The following RHOA variants were observed in gnomAD, a reference collection of about 807,000 sequenced individuals.
RHOA encodes the protein ras homolog family member A, also known as transforming protein RhoA.
In RHOA, 3 loss-of-function variants were observed where a neutral mutation model predicts 17.5. The ratio of observed to expected loss-of-function variants is 0.17; its 90% confidence interval spans 0.08 to 0.44. RHOA has a LOEUF of 0.44. Among genes scored for constraint, RHOA ranks in the 20% least tolerant of loss-of-function variants. RHOA has a pLI of 0.99. For synonymous variants in RHOA, 98 were observed against 88.4 expected (o/e 1.11, Z -0.61); for missense variants, 56 against 242.3 (o/e 0.23, Z 5.10).
At chr3:49,382,040 C>A (rs557859949) in intron 1 of RHOA, among the ~76,000 whole-genome samples, 4 of 150,048 alleles carry the variant, frequency 2.7e-5, no homozygotes, top group African/African-American at 7.3e-5. Context: ...AAAATATTGG[C>A]CGGGCATGGT....
chr3:49,367,364 A>AAAAAAAAAAAAAAAAAAAAAAT (rs1429030197), intron 3 of RHOA, among the ~76,000 whole-genome samples: 1 of 143,656 alleles, frequency 7.0e-6, no homozygotes, highest in Non-Finnish European at 1.5e-5. Context: ...AAAAAAAAAA[A>AAAAAAAAAAAAAAAAAAAAAAT]AAGAATACTG....
At chr3:49,396,157 G>A (rs1295720634) in intron 1 of RHOA, among the ~76,000 whole-genome samples, 1 of 152,194 alleles carries the variant, frequency 6.6e-6, no homozygotes, top group Non-Finnish European at 1.5e-5. Flanking sequence ...AAAGAACACA[G>A]GTCTATGAGG....
chr3:49,386,769 T>G (rs960060448), intron 1 of RHOA, among the ~76,000 whole-genome samples: 4 of 152,134 alleles, frequency 2.6e-5, no homozygotes, highest in African/African-American at 9.7e-5. Flanking sequence ...CTGATGTATT[T>G]GATTAACTCT....
chr3:49,362,700 A>T, intron 3 of RHOA, 74 bp from the exon 4 acceptor site: 1 of 1,266,580 alleles, frequency 7.9e-7, no homozygotes, highest in South Asian at 1.5e-5. Flanking sequence ...CCTCAGTGAA[A>T]TTGCAGAGAC....
chr3:49,377,452 C>T (rs1410349058), intron 1 of RHOA, among the ~76,000 whole-genome samples: 1 of 151,908 alleles, frequency 6.6e-6, no homozygotes, highest in Non-Finnish European at 1.5e-5. Context: ...AAAAATTAGC[C>T]AGGAGCGGTG....
intron 2 of RHOA, among the ~76,000 whole-genome samples, chr3:49,374,121 C>T (rs532963313): frequency 1.5e-4 from 22 of 151,618 alleles, no homozygotes; most frequent in East Asian, 5.9e-4. Flanking sequence ...GAGGCCGAGA[C>T]GGGCAGATCA....
At chr3:49,409,719 G>A (rs942891285) in intron 1 of RHOA, among the ~76,000 whole-genome samples, 1 of 152,144 alleles carries the variant, frequency 6.6e-6, no homozygotes, top group Non-Finnish European at 1.5e-5. Flanking sequence ...ACCCCCATAT[G>A]ACCAGAATAA....
chr3:49,375,344 C>A (rs2107848585), intron 2 of RHOA, 90 bp downstream of exon 2: 1 of 1,267,058 alleles, frequency 7.9e-7, no homozygotes, highest in Non-Finnish European at 1.1e-6. Flanking sequence ...ATATGGTATA[C>A]TGAAGAGGCA....
chr3:49,405,293 A>C (rs1477980275), intron 1 of RHOA, among the ~76,000 whole-genome samples: 6 of 147,928 alleles, frequency 4.1e-5, no homozygotes, highest in Admixed American at 1.4e-4. Context: ...TTAGCTGGGC[A>C]TGGTGACATG....
intron 1 of RHOA, among the ~76,000 whole-genome samples, chr3:49,404,009 G>A (rs559418171): frequency 1.0e-4 from 15 of 147,030 alleles, no homozygotes; most frequent in Non-Finnish European, 1.6e-4. Context: ...AATAGTGAAA[G>A]TTGAAGATAG....
rs188218700 is a variant in RHOA, at chr3:49,378,999, G to C, written c.-2-3408C>G. The stretch of plus-strand genomic sequence containing the variant: ...ATTAAAAAATGAGCAAAGGATGTGA[G>C]TAGGTATGACCCTGCAATTCTATTC... On this transcript the variant is annotated intron_variant, in intron 1 of 4. Transcript: ENST00000418115. Among the ~76,000 whole-genome samples, 697 of 152,288 alleles carry C rather than the reference G, an allele frequency of 4.6e-3. 3 individuals are homozygous for C. The highest frequency in any genetic ancestry group is 8.1e-3 in the Non-Finnish European group (552 of 68,036).
intron 1 of RHOA, among the ~76,000 whole-genome samples, chr3:49,386,497 G>A (rs982574052): frequency 6.6e-6 from 1 of 152,136 alleles, no homozygotes; most frequent in Non-Finnish European, 1.5e-5. Flanking sequence ...AACGTCAGTC[G>A]CACTGCTAGC....
chr3:49,395,812 G>C (rs1217730169), intron 1 of RHOA, among the ~76,000 whole-genome samples: 1 of 152,128 alleles, frequency 6.6e-6, no homozygotes, highest in Non-Finnish European at 1.5e-5. Context: ...AAGGGTATGA[G>C]GGTGCCCAAA....
At chr3:49,383,419 C>CA (rs397819188) in intron 1 of RHOA, among the ~76,000 whole-genome samples, 60,614 of 124,498 alleles carry the variant, frequency 0.49, 14,096 homozygotes, top group East Asian at 0.92. Flanking sequence ...GAATCCATCT[C>CA]AAAAAAAAAA....
At chr3:49,380,952 A>G (rs1429283319) in intron 1 of RHOA, among the ~76,000 whole-genome samples, 1 of 151,882 alleles carries the variant, frequency 6.6e-6, no homozygotes, top group East Asian at 1.9e-4. Flanking sequence ...ATATATATAG[A>G]TACAGATATT....
chr3:49,407,206 G>A (rs2048845145), intron 1 of RHOA, among the ~76,000 whole-genome samples: 2 of 146,346 alleles, frequency 1.4e-5, no homozygotes, highest in African/African-American at 2.5e-5. Context: ...CTAAGTCAAG[G>A]AAATTAATAT....
intron 1 of RHOA, 37 bp from the exon 2 acceptor site, chr3:49,375,628 A>C (rs777964563): frequency 9.4e-6 from 15 of 1,602,188 alleles, no homozygotes; most frequent in Non-Finnish European, 1.3e-5. Flanking sequence ...TGCAATGCAC[A>C]AGAAGTCATA....
chr3:49,394,180 ATT>A (rs2048573566), intron 1 of RHOA, among the ~76,000 whole-genome samples: 1 of 148,746 alleles, frequency 6.7e-6, no homozygotes, highest in African/African-American at 2.5e-5. Flanking sequence ...TAATTTTTGT[ATT>A]TTTAGTAGAG....
At chr3:49,403,148 C>T (rs1197493699) in intron 1 of RHOA, among the ~76,000 whole-genome samples, 1 of 151,948 alleles carries the variant, frequency 6.6e-6, no homozygotes, top group African/African-American at 2.4e-5. Flanking sequence ...ACCATCCTGG[C>T]TAACAGAGTG....
Sources: allele counts gnomAD v4.1 joint callset (sites outside exome capture counted in the v4.1 genomes callset), GRCh38; gene constraint gnomAD v4.1.1; transcripts MANE v1.5; gene names NCBI Gene and HGNC (gene_info 2026-07-23, HGNC 2026-07-21).